The following USP13 variants were observed in gnomAD, a reference collection of about 807,000 sequenced individuals.
USP13 encodes the protein ubiquitin carboxyl-terminal hydrolase 13.
Under a neutral mutation model 107.8 loss-of-function variants are expected in USP13, and 68 were observed. That is an observed-to-expected ratio of 0.63 (90% confidence interval 0.52 to 0.77). The LOEUF (loss-of-function observed/expected upper bound fraction) is 0.77, where lower values mean the gene tolerates loss of function less well. Ranked by LOEUF, USP13 falls within the 30% of genes least tolerant of loss-of-function variation. The pLI, the probability that USP13 is intolerant of heterozygous loss-of-function variation, is 0.00. For missense variants in USP13, 945 were observed against 1,093.3 expected, an observed-to-expected ratio of 0.86 and a Z score of 1.91; for synonymous variants, 377 against 389.5, an observed-to-expected ratio of 0.97 and a Z score of 0.38.
chr3:179,670,896 C>A (rs902041740), intron 1 of USP13, among the ~76,000 whole-genome samples: 1 of 151,864 alleles, frequency 6.6e-6, no homozygotes, highest in African/African-American at 2.4e-5. Context: ...CGGGGTTTTA[C>A]CATGTTGGCC....
intron 19 of USP13, among the ~76,000 whole-genome samples, chr3:179,766,534 G>T (rs575829121): frequency 6.6e-6 from 1 of 152,084 alleles, no homozygotes; most frequent in East Asian, 1.9e-4. Context: ...ATCGTTACCC[G>T]TACCAACTAC....
At chr3:179,660,993 A>T (rs1447250937) in intron 1 of USP13, among the ~76,000 whole-genome samples, 6 of 152,228 alleles carry the variant, frequency 3.9e-5, no homozygotes, top group Non-Finnish European at 8.8e-5. Context: ...GCTATTTACC[A>T]TATTAGAAGT....
Position 179,653,490 on chromosome 3 carries a change from CTT to C in USP13, c.168+98_168+99del, listed in dbSNP as rs2108422831. 1 of 1,462,704 alleles carries C rather than the reference CTT, an allele frequency of 6.8e-7. No individual in the cohort carries two copies. Among genetic ancestry groups the C allele is most frequent in the East Asian group, 2.6e-5 (1 of 38,514 alleles). The allele number at this position is 1,462,704 out of a possible 1,614,324, so 90.6% of individuals were successfully genotyped here. On this transcript the variant is annotated intron_variant, in intron 1 of 20. Transcript: ENST00000263966. The surrounding 1 kb of genome is among the most constrained non-coding windows in gnomAD (Gnocchi z 4.0). Reference sequence around the variant, plus strand: ...CGCAGTGGCGGCCGGGACCTCTTCTCTTCCTCCGGGCGGCAGAGTTGGCTCAG... The same window carrying C: ...CGCAGTGGCGGCCGGGACCTCTTCTCCCTCCGGGCGGCAGAGTTGGCTCAG...
chr3:179,718,195 C>A (rs560844199), intron 6 of USP13, among the ~76,000 whole-genome samples: 1 of 151,970 alleles, frequency 6.6e-6, no homozygotes, highest in Non-Finnish European at 1.5e-5. Flanking sequence ...AGTCTTCATT[C>A]CTTTTAAGGG....
chr3:179,680,173 AAACAACAAC>A (rs56274945), intron 1 of USP13, among the ~76,000 whole-genome samples: 6 of 150,184 alleles, frequency 4.0e-5, no homozygotes, highest in South Asian at 4.2e-4. Flanking sequence ...ACGCTGTTGA[AAACAACAAC>A]AACAACAACA....
chr3:179,655,548 G>GTTTTT lies in USP13; in HGVS notation c.168+2159_168+2163dup, dbSNP rs150977876. Among the ~76,000 whole-genome samples, 263 of 131,150 alleles carry GTTTTT rather than the reference G, an allele frequency of 2.0e-3. 17 individuals are homozygous for GTTTTT. Among genetic ancestry groups the GTTTTT allele is most frequent in the African/African-American group, 8.4e-3 (250 of 29,700 alleles). The allele number at this position is 131,150 out of a possible 152,430, so 86.0% of individuals were successfully genotyped here. A position where few individuals can be genotyped will look rare whatever the true frequency, so the allele number is the denominator to read the frequency against. On this transcript the variant is annotated intron_variant, in intron 1 of 20. Coordinates refer to ENST00000263966, the MANE Select transcript of USP13 (RefSeq NM_003940.3). The stretch of plus-strand genomic sequence containing the variant: ...AAGCACAGTGCGTGATAATGGGAAG[G>GTTTTT]TTTTTTTTGTTTTGTTTTGTTTTTT...
At chr3:179,749,413 A>G (rs1400073942) in intron 13 of USP13, among the ~76,000 whole-genome samples, 1 of 152,188 alleles carries the variant, frequency 6.6e-6, no homozygotes, top group African/African-American at 2.4e-5. Flanking sequence ...AAAACATATC[A>G]TTTTTCAAGA....
At position 179,708,850 on chromosome 3, in the gene USP13, A is replaced by G. The variant is rs545388409; in HGVS notation, c.698A>G (p.Lys233Arg). Reference protein sequence around the residue: ...NLTDGSVLCGKWFFDSSGGNG... With the variant: ...NLTDGSVLCGRWFFDSSGGNG... ...ACTGACGGCTCTGTCCTGTGTGGAA[A>G]GTGGTTCTTTGACAGCTCTGGGGGC... is the stretch of plus-strand genomic sequence containing the variant. Residue 233 changes from lysine (K) to arginine (R), a missense_variant, in exon 6 of 21, where the codon AAG becomes AGG. Physicochemically the swap from Lys to Arg is conservative, Grantham distance 26 (BLOSUM62 2). Transcript: ENST00000263966. 6 of 1,614,132 alleles carry G rather than the reference A, an allele frequency of 3.7e-6. No homozygotes were observed. In the African/African-American group the frequency reaches 5.3e-5, roughly 14 times the overall value.
intron 8 of USP13, among the ~76,000 whole-genome samples, chr3:179,728,636 A>G (rs1284197722): frequency 1.3e-5 from 2 of 152,062 alleles, no homozygotes; most frequent in African/African-American, 2.4e-5. Flanking sequence ...CAGGCTGCTG[A>G]GAGGTGGATG....
At position 179,765,696 on chromosome 3, in the gene USP13, A is replaced by G. The variant is rs560800225; in HGVS notation, c.2261A>G (p.Asn754Ser). ...CATCTGTTTCTTTTTTGTTGTTAGAATAATAACCTGGAAAGAGCACTGGAT... is the reference window on the plus strand; with the variant it reads ...CATCTGTTTCTTTTTTGTTGTTAGAGTAATAACCTGGAAAGAGCACTGGAT... Reference protein sequence around the residue: ...NQAIQALRATNNNLERALDWI... With the variant: ...NQAIQALRATSNNLERALDWI... The change falls in exon 19 of 21, where the codon AAT becomes AGT. Residue 754 changes from asparagine to serine, a missense_variant and splice_region_variant. Asn to Ser is a conservative substitution (Grantham distance 46). Coordinates refer to ENST00000263966, the MANE Select transcript of USP13 (RefSeq NM_003940.3). 294 of 1,613,914 alleles carry G rather than the reference A, an allele frequency of 1.8e-4. 3 individuals are homozygous for G. The South Asian group carries it at 3.1e-3, about 17-fold the overall frequency.
chr3:179,750,308 A>G (rs1175103987), intron 13 of USP13, among the ~76,000 whole-genome samples: 19 of 118,980 alleles, frequency 1.6e-4, no homozygotes, highest in African/African-American at 7.4e-4. Flanking sequence ...GTGTGTGTAT[A>G]TATATATATA....
At chr3:179,722,867 G>A (rs564689727) in intron 8 of USP13, among the ~76,000 whole-genome samples, 6 of 152,304 alleles carry the variant, frequency 3.9e-5, no homozygotes, top group African/African-American at 1.4e-4. Flanking sequence ...TGATTTAGGT[G>A]CTCCCTGACT....
At chr3:179,672,819 T>G (rs1168131057) in intron 1 of USP13, among the ~76,000 whole-genome samples, 1 of 152,222 alleles carries the variant, frequency 6.6e-6, no homozygotes, top group Non-Finnish European at 1.5e-5. Context: ...TGATTTTGGA[T>G]GTCAAAGTCT....
chr3:179,787,802 A>C lies in USP13; in HGVS notation c.*3661A>C, dbSNP rs1249508933. ...TTTTTAGTAGAGACAGGGTTTTGCCATGTTGGCCAGGCTGGTCTTGAACTC... is the reference window on the plus strand; with the variant it reads ...TTTTTAGTAGAGACAGGGTTTTGCCCTGTTGGCCAGGCTGGTCTTGAACTC... On this transcript the variant is annotated 3_prime_UTR_variant, in exon 21 of 21. Transcript: ENST00000263966. The C allele has an allele frequency of 6.6e-6, 1 of 152,222 alleles. No individual in the cohort carries two copies. Among genetic ancestry groups the C allele is most frequent in the Non-Finnish European group, 1.5e-5 (1 of 68,104 alleles). The allele number at this position is 152,222 out of a possible 1,614,324, so 9.4% of individuals were successfully genotyped here. A position where few individuals can be genotyped will look rare whatever the true frequency, so the allele number is the denominator to read the frequency against.
intron 2 of USP13, among the ~76,000 whole-genome samples, chr3:179,685,059 T>C (rs950087213): frequency 1.3e-5 from 2 of 152,182 alleles, no homozygotes; most frequent in African/African-American, 4.8e-5. Context: ...AGGTGCTTCA[T>C]AAATATTTAT....
intron 13 of USP13, among the ~76,000 whole-genome samples, chr3:179,746,376 C>T (rs1714408542): frequency 6.6e-6 from 1 of 151,648 alleles, no homozygotes; most frequent in Non-Finnish European, 1.5e-5. Flanking sequence ...GTTTCAGCCT[C>T]CTGAGTAGCT....
intron 6 of USP13, among the ~76,000 whole-genome samples, chr3:179,714,140 G>A (rs1713020689): frequency 6.6e-6 from 1 of 152,214 alleles, no homozygotes; most frequent in South Asian, 2.1e-4. Context: ...GGGATAGGGT[G>A]TGTTTTTCTT....
intron 1 of USP13, among the ~76,000 whole-genome samples, chr3:179,681,174 G>A (rs1426760694): frequency 6.6e-6 from 1 of 152,208 alleles, no homozygotes; most frequent in Non-Finnish European, 1.5e-5. Context: ...TGAAGCCACC[G>A]CTGTGGGTGT....
At chr3:179,733,005 C>T (rs1391917780) in intron 10 of USP13, among the ~76,000 whole-genome samples, 1 of 152,190 alleles carries the variant, frequency 6.6e-6, no homozygotes, top group Non-Finnish European at 1.5e-5. Context: ...TTCTCTTAAC[C>T]ATTCAGAACG....
Sources: gnomAD v4.1 joint callset for allele counts (sites outside exome capture counted in the v4.1 genomes callset) on GRCh38, gnomAD v4.1.1 for gene constraint, Gnocchi (gnomAD v3.1) non-coding constraint, MANE v1.5 for transcripts, NCBI Gene and HGNC (gene_info 2026-07-23, HGNC 2026-07-21) for gene names.